Variants in STUB1 observed in about 807,000 individuals in gnomAD.
STUB1 encodes STIP1 homology and U-box containing protein 1, also known as E3 ubiquitin-protein ligase CHIP.
A neutral mutation model predicts 40.3 loss-of-function variants in STUB1; 37 were observed. That is an observed-to-expected ratio of 0.92 (90% CI 0.71 to 1.21). The LOEUF is 1.21. STUB1 is among the 50% of genes most tolerant of loss of function. The probability of loss-of-function intolerance (pLI) is 0.00; values close to 1 mark genes in which losing one functional copy is unlikely to be tolerated. For missense variants in STUB1, 460 were observed against 421.9 expected (o/e 1.09, Z -0.79); for synonymous variants, 246 against 171.9 (o/e 1.43, Z -3.37).
In STUB1 at chr16:680,641, G is replaced by C; in HGVS notation, c.116G>C (p.Gly39Ala). 1 of 1,350,544 alleles carries C rather than the reference G, an allele frequency of 7.4e-7. No homozygotes were observed. The highest frequency in any genetic ancestry group is 9.6e-7 in the Non-Finnish European group (1 of 1,041,114). 83.7% of individuals were successfully genotyped at this position (1,350,544 alleles called of 1,614,324 possible). A position where few individuals can be genotyped will look rare whatever the true frequency, so the allele number is the denominator to read the frequency against. ...GAGCAGGGCAATCGTCTGTTCGTGGGCCGAAAGTACCCGGAGGCGGCGGCC... is the reference window on the plus strand; with the variant it reads ...GAGCAGGGCAATCGTCTGTTCGTGGCCCGAAAGTACCCGGAGGCGGCGGCC... Reference protein sequence around the residue: ...LKEQGNRLFVGRKYPEAAACY... With the variant: ...LKEQGNRLFVARKYPEAAACY... The change falls in exon 1 of 7, where the codon GGC becomes GCC. Residue 39 changes from glycine (G) to alanine (A), a missense_variant. Transcript: ENST00000219548. This position sits in a 1 kb window ranked among gnomAD's most constrained non-coding sequence, Gnocchi z 4.9.
chr16:681,497 C>T lies in STUB1; in HGVS notation c.418C>T (p.Arg140Ter). The T allele has an allele frequency of 6.2e-7, 1 of 1,612,562 alleles. No individual in the cohort carries two copies. Among genetic ancestry groups the T allele is most frequent in the Non-Finnish European group, 8.5e-7 (1 of 1,179,886 alleles). Reference protein sequence around the residue: ...NFGDDIPSALRIAKKKRWNSI... With the variant: ...NFGDDIPSAL ...CGGGGACGACATCCCCAGCGCTCTT[C>T]GAATCGCGAAGAAGAAGCGCTGGAA... The change falls in exon 3 of 7, where the codon CGA becomes TGA. Residue 140 changes from arginine (R) to a stop codon, truncating the protein, a stop_gained. Transcript: ENST00000219548. LOFTEE classifies it high-confidence loss of function.
rs2039704266 is a variant in STUB1 at position 682,396 on chromosome 16, C to T, written c.819C>T (p.Ser273=). Residue 273 remains serine, a synonymous_variant, in exon 7 of 7, where the codon AGC becomes AGT. Transcript: ENST00000219548. ...GTCATTTTGACCCCGTGACCCGGAGCCCCCTGACCCAGGAACAGCTCATCC... is the reference window on the plus strand; with the variant it reads ...GTCATTTTGACCCCGTGACCCGGAGTCCCCTGACCCAGGAACAGCTCATCC... ...RVGHFDPVTR[S]PLTQEQLIPN... is the part of the protein sequence containing the mutation. 3 of 1,613,126 alleles carry T rather than the reference C, an allele frequency of 1.9e-6. No individual in the cohort carries two copies. Among genetic ancestry groups the T allele is most frequent in the South Asian group, 1.1e-5 (1 of 91,086 alleles).
In STUB1 at chr16:680,830, C is replaced by T. The variant is rs78410329; in HGVS notation, c.159+146C>T. 0.24 allele frequency: 178,295 copies of T among 751,636 alleles called. 24,957 individuals are homozygous for T. The highest frequency in any genetic ancestry group is 0.7 in the East Asian group (16,257 of 23,390). 46.6% of individuals were successfully genotyped at this position (751,636 alleles called of 1,614,324 possible). The stretch of plus-strand genomic sequence containing the variant: ...CAGCCGTGGTTCTCGAGCCCAGCGC[C>T]GGGTGCCGGAGAACGAGGGTGCGAT... On this transcript the variant is annotated intron_variant, in intron 1 of 6. Transcript: ENST00000219548. This position sits in a 1 kb window ranked among gnomAD's most constrained non-coding sequence, Gnocchi z 4.9.
rs761294653 is a variant in STUB1 at position 681,429 on chromosome 16, G to T, written c.359-9G>T. ...GGCCAGAGAGTGACGTGAAGCCCCCGTTCCCCAGCTTACAGCCTGGCCAAG... is the reference window on the plus strand; with the variant it reads ...GGCCAGAGAGTGACGTGAAGCCCCCTTTCCCCAGCTTACAGCCTGGCCAAG... On this transcript the variant is annotated splice_polypyrimidine_tract_variant and intron_variant, in intron 2 of 6. Transcript: ENST00000219548. 14 of 1,609,628 alleles carry T rather than the reference G, an allele frequency of 8.7e-6. No individual in the cohort carries two copies. The highest frequency in any genetic ancestry group is 1.1e-5 in the Non-Finnish European group (13 of 1,177,444).
Position 681,473 on chromosome 16 carries a change from G to T in STUB1, c.394G>T (p.Gly132Trp). 2 of 1,612,648 alleles carry T rather than the reference G, an allele frequency of 1.2e-6. No homozygotes were observed. The highest frequency in any genetic ancestry group is 2.2e-5 in the South Asian group (2 of 91,064). ...GGCCAAGGAGCAGCGGCTGAACTTCGGGGACGACATCCCCAGCGCTCTTCG... is the reference window on the plus strand; with the variant it reads ...GGCCAAGGAGCAGCGGCTGAACTTCTGGGACGACATCCCCAGCGCTCTTCG... ...SLAKEQRLNF[G>W]DDIPSALRIA... is the part of the protein sequence containing the mutation. Residue 132 changes from glycine to tryptophan, a missense_variant, in exon 3 of 7, where the codon GGG (glycine) becomes TGG (tryptophan). Transcript: ENST00000219548.
rs1467663286 is a variant in STUB1, at chr16:680,768, G to A, written c.159+84G>A. On this transcript the variant is annotated intron_variant, in intron 1 of 6. Transcript: ENST00000219548. This position sits in a 1 kb window ranked among gnomAD's most constrained non-coding sequence, Gnocchi z 4.9. ...GCCCGGCCGGCCCCACCGAGGGTCT[G>A]GCTCCTCTTCGGGGCGTGTCCTCGG... is the stretch of plus-strand genomic sequence containing the variant. 8.9e-7 allele frequency: 1 copy of A among 1,127,310 alleles called. No homozygotes were observed. Among genetic ancestry groups the A allele is most frequent in the African/African-American group, 1.6e-5 (1 of 61,120 alleles). 69.8% of individuals were successfully genotyped at this position (1,127,310 alleles called of 1,614,324 possible).
rs2039632962 is a variant in STUB1 at position 680,548 on chromosome 16, A to G, written c.23A>G (p.Glu8Gly). MKGKEEK[E>G]GGARLGAGGG... ...GCCATGAAGGGCAAGGAGGAGAAGG[A>G]GGGCGGCGCACGGCTGGGCGCTGGC... is the stretch of plus-strand genomic sequence containing the variant. Residue 8 changes from glutamate to glycine, a missense_variant, in exon 1 of 7, where the codon GAG (glutamate) becomes GGG (glycine). Coordinates refer to ENST00000219548, the MANE Select transcript of STUB1 (RefSeq NM_005861.4). This position sits in a 1 kb window ranked among gnomAD's most constrained non-coding sequence, Gnocchi z 4.9. 3 of 1,342,976 alleles carry G rather than the reference A, an allele frequency of 2.2e-6. No homozygotes were observed. The highest frequency in any genetic ancestry group is 2.9e-6 in the Non-Finnish European group (3 of 1,039,102). 83.2% of individuals were successfully genotyped at this position (1,342,976 alleles called of 1,614,324 possible). A position where few individuals can be genotyped will look rare whatever the true frequency, so the allele number is the denominator to read the frequency against.
chr16:681,989 TCCC>T lies in STUB1; in HGVS notation c.613-28_613-26del, dbSNP rs550812447. On this transcript the variant is annotated intron_variant, in intron 4 of 6. Coordinates refer to ENST00000219548, the MANE Select transcript of STUB1 (RefSeq NM_005861.4). ...CCATGGAGGAGGGAGGTGGGGTGTCTCCCCCAAGCACAGCACTCAACTCTTCAC... is the reference window on the plus strand; with the variant it reads ...CCATGGAGGAGGGAGGTGGGGTGTCTCCAAGCACAGCACTCAACTCTTCAC... 4.7e-4 allele frequency: 750 copies of T among 1,612,006 alleles called. 14 individuals are homozygous for T. The South Asian group carries it at 6.3e-3, about 14-fold the overall frequency.
rs1404756948 is a variant in STUB1 at position 682,705 on chromosome 16, C to T, written c.*216C>T. On this transcript the variant is annotated 3_prime_UTR_variant, in exon 7 of 7. Transcript: ENST00000219548. Reference sequence around the variant, plus strand: ...CAGGTGAGGGTGGGCTGGGCTGAGGCCATTGCCGCCACTATCTGTGTAATA... The same window carrying T: ...CAGGTGAGGGTGGGCTGGGCTGAGGTCATTGCCGCCACTATCTGTGTAATA... 6 of 1,490,254 alleles carry T rather than the reference C, an allele frequency of 4.0e-6. No homozygotes were observed. Among genetic ancestry groups the T allele is most frequent in the Non-Finnish European group, 5.5e-6 (6 of 1,089,260 alleles). 92.3% of individuals were successfully genotyped at this position (1,490,254 alleles called of 1,614,324 possible).
chr16:681,418 G>A lies in STUB1; in HGVS notation c.359-20G>A, dbSNP rs372117923. On this transcript the variant is annotated intron_variant, in intron 2 of 6. Transcript: ENST00000219548. ...GCGGGTGGACTGGCCAGAGAGTGACGTGAAGCCCCCGTTCCCCAGCTTACA... is the reference window on the plus strand; with the variant it reads ...GCGGGTGGACTGGCCAGAGAGTGACATGAAGCCCCCGTTCCCCAGCTTACA... 16 of 1,609,626 alleles carry A rather than the reference G, an allele frequency of 9.9e-6. No homozygotes were observed. Among genetic ancestry groups the A allele is most frequent in the Middle Eastern group, 3.3e-4 (2 of 6,068 alleles).
At position 681,866 on chromosome 16, in the gene STUB1, A is replaced by G. The variant is rs1567280972; in HGVS notation, c.598A>G (p.Ile200Val). Residue 200 changes from isoleucine (I) to valine (V), a missense_variant, in exon 4 of 7, where the codon ATT becomes GTT. Transcript: ENST00000219548. Reference sequence around the variant, plus strand: ...CCACGTCCGGGCCCAGCAGGCCTGCATTGAGGCCAAGCACGTGAGGGTGCC... The same window carrying G: ...CCACGTCCGGGCCCAGCAGGCCTGCGTTGAGGCCAAGCACGTGAGGGTGCC... The part of the protein sequence containing the change: ...DSHVRAQQAC[I>V]EAKHDKYMAD... 2 of 1,612,844 alleles carry G rather than the reference A, an allele frequency of 1.2e-6. No individual in the cohort carries two copies. The highest frequency in any genetic ancestry group is 2.2e-5 in the East Asian group (1 of 44,876).
In STUB1 at chr16:682,221, G is replaced by A. The variant is rs763270493; in HGVS notation, c.726G>A (p.Glu242=). 12 of 1,612,952 alleles carry A rather than the reference G, an allele frequency of 7.4e-6. No individual in the cohort carries two copies. The Admixed American group carries it at 1.0e-4, about 13-fold the overall frequency. Residue 242 remains glutamate, a synonymous_variant, in exon 6 of 7, where the codon GAG becomes GAA. Coordinates refer to ENST00000219548, the MANE Select transcript of STUB1 (RefSeq NM_005861.4). The part of the protein sequence containing the change: ...CGKISFELMR[E]PCITPSGITY... ...AGATCAGCTTTGAGCTGATGCGGGA[G>A]CCGTGCATCACGCCCAGTGGCATCA...
At position 682,272 on chromosome 16, in the gene STUB1, G is replaced by GC. The variant is rs780883873; in HGVS notation, c.778dup (p.His260ProfsTer9). On this transcript the variant is annotated frameshift_variant, in exon 6 of 7. Coordinates refer to ENST00000219548, the MANE Select transcript of STUB1 (RefSeq NM_005861.4). LOFTEE classifies it high-confidence loss of function. ...CCTACGACCGCAAGGACATCGAGGA[G>GC]CACCTGCAGGTGAGGCCTGCGGCTG... 1.3e-6 allele frequency: 2 copies of GC among 1,589,012 alleles called. No homozygotes were observed. Among genetic ancestry groups the GC allele is most frequent in the African/African-American group, 3.1e-5 (2 of 63,870 alleles).
chr16:681,429 G>A lies in STUB1; in HGVS notation c.359-9G>A, dbSNP rs761294653. 4 of 1,609,746 alleles carry A rather than the reference G, an allele frequency of 2.5e-6. No homozygotes were observed. The South Asian group carries it at 3.3e-5, about 13-fold the overall frequency. On this transcript the variant is annotated splice_polypyrimidine_tract_variant and intron_variant, in intron 2 of 6. Coordinates refer to ENST00000219548, the MANE Select transcript of STUB1 (RefSeq NM_005861.4). ...GGCCAGAGAGTGACGTGAAGCCCCC[G>A]TTCCCCAGCTTACAGCCTGGCCAAG... is the stretch of plus-strand genomic sequence containing the variant.
In STUB1 at chr16:682,750, G is replaced by A. The variant is rs759393845; in HGVS notation, c.*261G>A. The A allele has an allele frequency of 1.9e-6, 3 of 1,591,198 alleles. No individual in the cohort carries two copies. Among genetic ancestry groups the A allele is most frequent in the East Asian group, 2.2e-5 (1 of 44,702 alleles). Reference sequence around the variant, plus strand: ...GTAATAAAATCCGTGAGCACGAGGTGGGACGTGCTGGTGTGTGACCGGCAG... The same window carrying A: ...GTAATAAAATCCGTGAGCACGAGGTAGGACGTGCTGGTGTGTGACCGGCAG... On this transcript the variant is annotated 3_prime_UTR_variant, in exon 7 of 7. Transcript: ENST00000219548.
chr16:680,604 C>T lies in STUB1; in HGVS notation c.79C>T (p.Gln27Ter). ...AAGCCCCGAGAAGAGCCCGAGCGCG[C>T]AGGAGCTCAAGGAGCAGGGCAATCG... ...GGSPEKSPSAQELKEQGNRLF... is the reference protein window; with the variant it reads ...GGSPEKSPSA The change falls in exon 1 of 7, where the codon CAG (glutamine) becomes TAG (stop). Residue 27 changes from glutamine (Q) to a stop codon, truncating the protein, a stop_gained. Transcript: ENST00000219548. LOFTEE classifies it high-confidence loss of function. This position sits in a 1 kb window ranked among gnomAD's most constrained non-coding sequence, Gnocchi z 4.9. The T allele has an allele frequency of 7.1e-7, 1 of 1,409,742 alleles. No homozygotes were observed. The allele number at this position is 1,409,742 out of a possible 1,614,324, so 87.3% of individuals were successfully genotyped here. A position where few individuals can be genotyped will look rare whatever the true frequency, so the allele number is the denominator to read the frequency against.
Position 680,733 on chromosome 16 carries a change from C to T in STUB1, c.159+49C>T, listed in dbSNP as rs566112592. 1 of 1,173,844 alleles carries T rather than the reference C, an allele frequency of 8.5e-7. No individual in the cohort carries two copies. The highest frequency in any genetic ancestry group is 1.1e-6 in the Non-Finnish European group (1 of 948,866). The allele number at this position is 1,173,844 out of a possible 1,614,324, so 72.7% of individuals were successfully genotyped here. Reference sequence around the variant, plus strand: ...GCGGCGGCGGTGGCACCGGGGAGGGCCGGGCCCGGGCCCGGCCGGCCCCAC... The same window carrying T: ...GCGGCGGCGGTGGCACCGGGGAGGGTCGGGCCCGGGCCCGGCCGGCCCCAC... On this transcript the variant is annotated intron_variant, in intron 1 of 6. Transcript: ENST00000219548. This position sits in a 1 kb window ranked among gnomAD's most constrained non-coding sequence, Gnocchi z 4.9.
In STUB1 at chr16:680,928, G is replaced by C. The variant is rs2151503975; in HGVS notation, c.160-224G>C. On this transcript the variant is annotated intron_variant, in intron 1 of 6. Coordinates refer to ENST00000219548, the MANE Select transcript of STUB1 (RefSeq NM_005861.4). The surrounding 1 kb of genome is among the most constrained non-coding windows in gnomAD (Gnocchi z 4.9). The stretch of plus-strand genomic sequence containing the variant: ...CTTGAGGACCCCAGGTCCTAAGCCC[G>C]GACTCTCCAAAGATTTGGAAAACTT... 1.5e-6 allele frequency: 1 copy of C among 666,290 alleles called. No individual in the cohort carries two copies. The highest frequency in any genetic ancestry group is 2.9e-5 in the East Asian group (1 of 34,276). 41.3% of individuals were successfully genotyped at this position (666,290 alleles called of 1,614,324 possible). A position where few individuals can be genotyped will look rare whatever the true frequency, so the allele number is the denominator to read the frequency against.
In STUB1 at chr16:680,546, G is replaced by A; in HGVS notation, c.21G>A (p.Lys7=). MKGKEE[K]EGGARLGAGG... Reference sequence around the variant, plus strand: ...GCGCCATGAAGGGCAAGGAGGAGAAGGAGGGCGGCGCACGGCTGGGCGCTG... The same window carrying A: ...GCGCCATGAAGGGCAAGGAGGAGAAAGAGGGCGGCGCACGGCTGGGCGCTG... The change falls in exon 1 of 7, where the codon AAG becomes AAA. Residue 7 remains lysine, a synonymous_variant. Transcript: ENST00000219548. This position sits in a 1 kb window ranked among gnomAD's most constrained non-coding sequence, Gnocchi z 4.9. 7.5e-7 allele frequency: 1 copy of A among 1,341,866 alleles called. No individual in the cohort carries two copies. Among genetic ancestry groups the A allele is most frequent in the Admixed American group, 3.4e-5 (1 of 29,618 alleles). 83.1% of individuals were successfully genotyped at this position (1,341,866 alleles called of 1,614,324 possible). A position where few individuals can be genotyped will look rare whatever the true frequency, so the allele number is the denominator to read the frequency against.
Sources: allele counts gnomAD v4.1 joint callset, GRCh38; gene constraint gnomAD v4.1.1; non-coding constraint Gnocchi (gnomAD v3.1); transcripts MANE v1.5; gene names NCBI Gene and HGNC (gene_info 2026-07-23, HGNC 2026-07-21).